The following BTBD8 variants were observed in gnomAD, a reference collection of about 807,000 sequenced individuals.
BTBD8 encodes BTB/POZ domain-containing protein 8.
In BTBD8, 110 loss-of-function variants were observed where a neutral mutation model predicts 162.9. That is an observed-to-expected ratio of 0.68 (90% CI 0.58 to 0.79). The LOEUF (loss-of-function observed/expected upper bound fraction) is 0.79. BTBD8 is among the 30% of genes least tolerant of loss of function. The pLI is 0.00. For synonymous variants in BTBD8, 667 were observed against 716.1 expected (o/e 0.93, Z 1.10); for missense variants, 1,905 against 2,085.4 (o/e 0.91, Z 1.68).
At chr1:92,115,621 C>A in intron 4 of BTBD8, 1 of 386,340 alleles carries the variant, frequency 2.6e-6, no homozygotes, top group Non-Finnish European at 5.0e-6. Context: ...CTGTTTTCAG[C>A]CTTGACGATG....
intron 1 of BTBD8, among the ~76,000 whole-genome samples, chr1:92,084,605 A>G (rs542081962): frequency 1.3e-5 from 2 of 152,334 alleles, no homozygotes; most frequent in African/African-American, 2.4e-5. Flanking sequence ...TTTCCTGCTC[A>G]GTCCACCACC....
chr1:92,119,607 T>C (rs1274678624), intron 4 of BTBD8, among the ~76,000 whole-genome samples: 1 of 151,560 alleles, frequency 6.6e-6, no homozygotes, highest in Non-Finnish European at 1.5e-5. Context: ...ATCCTTATTC[T>C]ATAAGCTCTT....
intron 13 of BTBD8, among the ~76,000 whole-genome samples, chr1:92,173,409 A>G (rs1650615641): frequency 6.6e-6 from 1 of 152,206 alleles, no homozygotes; most frequent in Non-Finnish European, 1.5e-5. Context: ...ACTCTAGGAA[A>G]TGGTGCACTA....
intron 11 of BTBD8, 85 bp downstream of exon 11, chr1:92,168,070 G>T (rs1427522452): frequency 7.9e-7 from 1 of 1,272,792 alleles, no homozygotes; most frequent in Non-Finnish European, 1.1e-6. Flanking sequence ...ATGTTGCAGG[G>T]TCATTGAAGC....
At chr1:92,176,049 T>C (rs901188801) in intron 13 of BTBD8, among the ~76,000 whole-genome samples, 2 of 152,140 alleles carry the variant, frequency 1.3e-5, no homozygotes, top group African/African-American at 4.8e-5. Flanking sequence ...ATCTTATTTG[T>C]CCAAAAACCA....
intron 12 of BTBD8, among the ~76,000 whole-genome samples, chr1:92,170,326 A>C (rs1650505262): frequency 6.6e-6 from 1 of 152,130 alleles, no homozygotes; most frequent in Admixed American, 6.5e-5. Flanking sequence ...AATTATAATG[A>C]GTTCTGACTT....
At chr1:92,140,192 C>T (rs1360099885) in intron 6 of BTBD8, among the ~76,000 whole-genome samples, 5 of 150,680 alleles carry the variant, frequency 3.3e-5, no homozygotes, top group African/African-American at 1.2e-4. Context: ...GAGGCAGAGG[C>T]GGGAGGATAG....
intron 4 of BTBD8, among the ~76,000 whole-genome samples, chr1:92,117,689 A>G (rs1322509363): frequency 2.0e-5 from 3 of 152,112 alleles, no homozygotes; most frequent in Non-Finnish European, 2.9e-5. Context: ...TCCCTCTTCT[A>G]TATTACTGCA....
At position 92,177,113 on chromosome 1, in the gene BTBD8, C is replaced by T; in HGVS notation, c.1920C>T (p.Ser640=). The T allele has an allele frequency of 6.4e-7, 1 of 1,551,414 alleles. No individual in the cohort carries two copies. Among genetic ancestry groups the T allele is most frequent in the Non-Finnish European group, 8.7e-7 (1 of 1,146,920 alleles). Residue 640 remains serine (S), a synonymous_variant, in exon 14 of 18, where the codon TCC becomes TCT. Coordinates refer to ENST00000636805, the MANE Select transcript of BTBD8 (RefSeq NM_001376131.1). ...GAAAGCCCAAAACTGTAACAAAATC[C>T]AAAACAGAAAATGGTGATAAGGCAC... ...VSGKPKTVTK[S]KTENGDKARL...
chr1:92,090,871 G>A (rs969781793), intron 2 of BTBD8, among the ~76,000 whole-genome samples: 1 of 152,198 alleles, frequency 6.6e-6, no homozygotes, highest in African/African-American at 2.4e-5. Context: ...GGTGGAGGTT[G>A]CAGTGAGCTG....
At chr1:92,087,758 T>C (rs1321885554) in intron 1 of BTBD8, among the ~76,000 whole-genome samples, 2 of 152,234 alleles carry the variant, frequency 1.3e-5, no homozygotes, top group East Asian at 1.9e-4. Flanking sequence ...TTTCCAAGCT[T>C]TCACTGTAAT....
At chr1:92,163,769 C>T (rs4261159) in intron 9 of BTBD8, among the ~76,000 whole-genome samples, 94,565 of 151,880 alleles carry the variant, frequency 0.62, 29,963 homozygotes, top group East Asian at 0.97. Context: ...CTTTGAATCT[C>T]GAGGTACTCT....
rs375538223 is a variant in BTBD8, at chr1:92,147,852, A to G, written c.1122+66A>G. ...AAAAGTTTATTCAATTTTGTATAGT[A>G]CTTTCAGTGGTTGAAATATAAATGT... On this transcript the variant is annotated intron_variant, in intron 9 of 17. Transcript: ENST00000636805. 9 of 1,298,674 alleles carry G rather than the reference A, an allele frequency of 6.9e-6. No homozygotes were observed. In the African/African-American group the frequency reaches 1.3e-4, roughly 19 times the overall value. The allele number at this position is 1,298,674 out of a possible 1,614,324, so 80.4% of individuals were successfully genotyped here. A position where few individuals can be genotyped will look rare whatever the true frequency, so the allele number is the denominator to read the frequency against.
At chr1:92,183,522 C>CT (rs540446718) in intron 17 of BTBD8, among the ~76,000 whole-genome samples, 15 of 149,116 alleles carry the variant, frequency 1.0e-4, no homozygotes, top group East Asian at 7.8e-4. Flanking sequence ...AACACTATGT[C>CT]TTTTTTTTTT....
chr1:92,136,801 G>A (rs1649644532), intron 5 of BTBD8, among the ~76,000 whole-genome samples: 1 of 152,154 alleles, frequency 6.6e-6, no homozygotes, highest in Admixed American at 6.5e-5. Context: ...GTTTCTTCAT[G>A]TATAAAATGA....
Position 92,177,906 on chromosome 1 carries a change from T to G in BTBD8, c.2441+8T>G, listed in dbSNP as rs551490250. 9 of 1,407,798 alleles carry G rather than the reference T, an allele frequency of 6.4e-6. No homozygotes were observed. The African/African-American group carries it at 1.1e-4, about 18-fold the overall frequency. 87.2% of individuals were successfully genotyped at this position (1,407,798 alleles called of 1,614,324 possible). ...CACTAATGTAAATAACAGGTAGGTC[T>G]TCATTCAGTGTTTTAACCTATCTGT... On this transcript the variant is annotated splice_region_variant and intron_variant, in intron 15 of 17. Transcript: ENST00000636805.
intron 2 of BTBD8, among the ~76,000 whole-genome samples, chr1:92,097,003 C>A (rs867785594): frequency 6.6e-5 from 10 of 152,272 alleles, no homozygotes; most frequent in Non-Finnish European, 1.0e-4. Context: ...TTACAAACTT[C>A]TTCCATATCT....
At chr1:92,168,842 T>C in intron 11 of BTBD8, 24 bp from the exon 12 acceptor site, 10 of 1,492,890 alleles carry the variant, frequency 6.7e-6, no homozygotes, top group Non-Finnish European at 9.1e-6. Context: ...TCTCACCAGC[T>C]GCTGATTTGT....
chr1:92,144,342 T>C (rs982818663), intron 7 of BTBD8, among the ~76,000 whole-genome samples: 1 of 152,098 alleles, frequency 6.6e-6, no homozygotes, highest in Non-Finnish European at 1.5e-5. Context: ...TGTTATACAG[T>C]AATACAAATA....
Sources: gnomAD v4.1 joint callset for allele counts (sites outside exome capture counted in the v4.1 genomes callset) on GRCh38, gnomAD v4.1.1 for gene constraint, MANE v1.5 for transcripts, NCBI Gene and HGNC (gene_info 2026-07-23, HGNC 2026-07-21) for gene names.